The following ALDH1A2 variants were observed in gnomAD, a reference collection of about 807,000 sequenced individuals.
The protein encoded by ALDH1A2 is retinal dehydrogenase 2.
ALDH1A2 carries 27 observed loss-of-function variants against 60.3 expected under a neutral mutation model. That is an observed-to-expected ratio of 0.45 (90% CI 0.33 to 0.62). The LOEUF (loss-of-function observed/expected upper bound fraction) is 0.62. Ranked by LOEUF, ALDH1A2 falls within the 20% of genes least tolerant of loss-of-function variation. The probability of loss-of-function intolerance (pLI) is 0.02; values close to 1 mark genes in which losing one functional copy is unlikely to be tolerated. For synonymous variants in ALDH1A2, 289 were observed against 232.4 expected, an observed-to-expected ratio of 1.24 and a Z score of -2.21; for missense variants, 581 against 643.8, an observed-to-expected ratio of 0.90 and a Z score of 1.06.
intron 7 of ALDH1A2, among the ~76,000 whole-genome samples, chr15:57,969,521 G>A (rs142055066): frequency 2.5e-3 from 375 of 152,252 alleles, no homozygotes; most frequent in African/African-American, 8.6e-3. Flanking sequence ...GTTCCTCAGG[G>A]ATACTGTCCC....
At chr15:57,997,722 G>A (rs1348327057) in intron 4 of ALDH1A2, among the ~76,000 whole-genome samples, 7 of 151,910 alleles carry the variant, frequency 4.6e-5, no homozygotes, top group Middle Eastern at 3.4e-3. Flanking sequence ...CTTAAAAGTC[G>A]GACCTCATGA....
At chr15:58,033,064 C>A (rs1323662500) in intron 1 of ALDH1A2, among the ~76,000 whole-genome samples, 4 of 151,788 alleles carry the variant, frequency 2.6e-5, no homozygotes, top group Non-Finnish European at 2.9e-5. Context: ...TTAAAGGATA[C>A]CTATAGTAAG....
chr15:58,062,056 T>C (rs1341253486), intron 1 of ALDH1A2, among the ~76,000 whole-genome samples: 9 of 152,052 alleles, frequency 5.9e-5, no homozygotes, highest in Non-Finnish European at 1.5e-5. Context: ...AAAACAGAAG[T>C]TTAAATGAAT....
chr15:58,004,628 C>T (rs1382073234), intron 4 of ALDH1A2, among the ~76,000 whole-genome samples: 1 of 151,120 alleles, frequency 6.6e-6, no homozygotes, highest in Admixed American at 6.6e-5. Context: ...TGGCCTCCAA[C>T]CCCATCCATG....
chr15:57,955,203 G>T lies in ALDH1A2; in HGVS notation c.1551C>A (p.Asn517Lys). The T allele has an allele frequency of 6.2e-7, 1 of 1,614,150 alleles. No homozygotes were observed. Among genetic ancestry groups the T allele is most frequent in the African/African-American group, 1.3e-5 (1 of 75,046 alleles). The change falls in exon 13 of 13, where the codon AAC becomes AAA. Residue 517 changes from asparagine (N) to lysine (K), a missense_variant. Asn to Lys is a moderately conservative substitution (Grantham distance 94). This residue lies in a region of ALDH1A2 where 375 missense variants were observed against 469.7 expected (regional missense o/e 0.80). Coordinates refer to ENST00000249750, the MANE Select transcript of ALDH1A2 (RefSeq NM_003888.4). ...KTVTVKIPQK[N>K]S Reference sequence around the variant, plus strand: ...ATCCTCCTTCTTGGCCTTCTTAGGAGTTCTTCTGGGGGATCTTTACTGTCA... The same window carrying T: ...ATCCTCCTTCTTGGCCTTCTTAGGATTTCTTCTGGGGGATCTTTACTGTCA...
At chr15:58,046,461 T>G (rs1365262495) in intron 1 of ALDH1A2, among the ~76,000 whole-genome samples, 3 of 151,988 alleles carry the variant, frequency 2.0e-5, no homozygotes, top group Admixed American at 6.6e-5. Context: ...TCGTTAAAGA[T>G]TGAGGTGATT....
intron 1 of ALDH1A2, among the ~76,000 whole-genome samples, chr15:58,029,089 T>C (rs988583003): frequency 1.3e-5 from 2 of 152,130 alleles, no homozygotes; most frequent in African/African-American, 4.8e-5. Context: ...CAACACAATA[T>C]ACATTCTTCT....
intron 1 of ALDH1A2, chr15:58,058,183 G>T: frequency 1.0e-6 from 1 of 964,954 alleles, no homozygotes; most frequent in Non-Finnish European, 1.6e-6. Flanking sequence ...CCCAGGCAAA[G>T]CCTTCCCCTC....
chr15:57,961,985 C>T, intron 10 of ALDH1A2, 27 bp downstream of exon 10: 1 of 1,613,942 alleles, frequency 6.2e-7, no homozygotes, highest in Non-Finnish European at 8.5e-7. Flanking sequence ...AAAGATGTGG[C>T]TTTTGTAAGA....
At chr15:58,048,412 G>A (rs1400341939) in intron 1 of ALDH1A2, among the ~76,000 whole-genome samples, 1 of 152,038 alleles carries the variant, frequency 6.6e-6, no homozygotes, top group Non-Finnish European at 1.5e-5. Flanking sequence ...CTCAAGGTCT[G>A]CTTCTGAAAG....
intron 7 of ALDH1A2, chr15:57,980,065 C>T (rs1320597406): frequency 3.2e-6 from 1 of 310,324 alleles, no homozygotes; most frequent in East Asian, 8.8e-5. Flanking sequence ...GGATGTGATT[C>T]TTGGGGTCAC....
At chr15:58,030,926 G>T (rs536381947) in intron 1 of ALDH1A2, among the ~76,000 whole-genome samples, 1 of 152,230 alleles carries the variant, frequency 6.6e-6, no homozygotes, top group Admixed American at 6.5e-5. Context: ...TGGATAGGAA[G>T]AATCAATATT....
Position 58,040,614 on chromosome 15 carries a change from C to A in ALDH1A2, c.117+24920G>T, listed in dbSNP as rs370522922. Among the ~76,000 whole-genome samples the A allele has an allele frequency of 9.2e-5, 14 of 152,008 alleles. No individual in the cohort carries two copies. The East Asian group carries it at 1.4e-3, about 15-fold the overall frequency. ...TAATTGACAGGGCAAAAAACTTGAA[C>A]CTTTCCTCTCAACATCTATGGCTGT... On this transcript the variant is annotated intron_variant, in intron 1 of 12. Transcript: ENST00000249750.
At chr15:58,058,276 G>T (rs1010279861) in intron 1 of ALDH1A2, among the ~76,000 whole-genome samples, 1 of 151,860 alleles carries the variant, frequency 6.6e-6, no homozygotes, top group Non-Finnish European at 1.5e-5. Flanking sequence ...GTGACAGGTG[G>T]GGAAAAGGGG....
At chr15:57,972,801 G>C (rs964354381) in intron 7 of ALDH1A2, among the ~76,000 whole-genome samples, 2 of 152,024 alleles carry the variant, frequency 1.3e-5, no homozygotes, top group African/African-American at 2.4e-5. Context: ...ATAAAATACT[G>C]AATGATTCAC....
At chr15:58,021,726 A>G (rs1895934501) in intron 1 of ALDH1A2, among the ~76,000 whole-genome samples, 2 of 152,256 alleles carry the variant, frequency 1.3e-5, no homozygotes, top group Non-Finnish European at 1.5e-5. Flanking sequence ...GCATTAAGGA[A>G]ACTCAGGCTA....
intron 1 of ALDH1A2, among the ~76,000 whole-genome samples, chr15:58,058,977 A>T (rs919486821): frequency 6.6e-6 from 1 of 152,214 alleles, no homozygotes; most frequent in Admixed American, 6.5e-5. Flanking sequence ...TATTATTCCA[A>T]CTGGAATTTT....
At chr15:58,056,640 T>A (rs1896902215) in intron 1 of ALDH1A2, among the ~76,000 whole-genome samples, 1 of 152,120 alleles carries the variant, frequency 6.6e-6, no homozygotes. Flanking sequence ...AAGAAAATGT[T>A]TGCATAGTAA....
chr15:58,025,839 G>C (rs1279578399), intron 1 of ALDH1A2, among the ~76,000 whole-genome samples: 2 of 152,192 alleles, frequency 1.3e-5, no homozygotes, highest in African/African-American at 2.4e-5. Flanking sequence ...GAGAGCAAGA[G>C]AGAAAAGAGG....
Sources: allele counts gnomAD v4.1 joint callset (sites outside exome capture counted in the v4.1 genomes callset), GRCh38; gene constraint gnomAD v4.1.1; regional missense constraint gnomAD v4.1.1; transcripts MANE v1.5; gene names NCBI Gene and HGNC (gene_info 2026-07-23, HGNC 2026-07-21).